Variants in RPRD1B observed in about 807,000 individuals in gnomAD.
RPRD1B encodes the protein regulation of nuclear pre-mRNA domain containing 1B.
Under a neutral mutation model 41.5 loss-of-function variants are expected in RPRD1B, and 11 were observed. The ratio of observed to expected loss-of-function variants is 0.27; its 90% CI spans 0.17 to 0.44. The LOEUF (loss-of-function observed/expected upper bound fraction) is 0.44, where lower values mean the gene tolerates loss of function less well. Ranked by LOEUF, RPRD1B falls within the 20% of genes least tolerant of loss-of-function variation. RPRD1B has a pLI of 1.00. For missense variants in RPRD1B, 248 were observed against 389.9 expected, an observed-to-expected ratio of 0.64 and a Z score of 3.06; for synonymous variants, 158 against 155.6, an observed-to-expected ratio of 1.02 and a Z score of -0.12.
intron 3 of RPRD1B, among the ~76,000 whole-genome samples, chr20:38,052,752 G>GTTTTTTTTTTTTT (rs146687415): frequency 1.2e-5 from 1 of 81,702 alleles, no homozygotes; most frequent in African/African-American, 4.8e-5. Context: ...CAAACGCGGT[G>GTTTTTTTTTTTTT]TTTTTTTTTT....
chr20:38,038,499 T>G (rs1380543377), intron 1 of RPRD1B, among the ~76,000 whole-genome samples: 13 of 136,404 alleles, frequency 9.5e-5, no homozygotes, highest in South Asian at 4.9e-4. Flanking sequence ...TGTTTTTTTT[T>G]TTTTTTTTTT....
At chr20:38,052,343 A>G (rs940429483) in intron 3 of RPRD1B, among the ~76,000 whole-genome samples, 3 of 152,206 alleles carry the variant, frequency 2.0e-5, no homozygotes, top group African/African-American at 7.2e-5. Context: ...AGGCTGGAGA[A>G]CATGGTAGCT....
intron 6 of RPRD1B, among the ~76,000 whole-genome samples, chr20:38,089,451 C>T (rs1157914828): frequency 6.6e-6 from 1 of 152,006 alleles, no homozygotes; most frequent in South Asian, 2.1e-4. Context: ...ATGCAAATAC[C>T]AAGTGTTATT....
At chr20:38,051,028 C>A (rs766408980) in intron 3 of RPRD1B, among the ~76,000 whole-genome samples, 1 of 152,100 alleles carries the variant, frequency 6.6e-6, no homozygotes, top group Non-Finnish European at 1.5e-5. Flanking sequence ...AATTCTTTGT[C>A]TTCAGGCAAC....
At chr20:38,052,002 C>T (rs575297160) in intron 3 of RPRD1B, among the ~76,000 whole-genome samples, 10 of 152,310 alleles carry the variant, frequency 6.6e-5, no homozygotes, top group African/African-American at 9.6e-5. Flanking sequence ...CCGCCCACCT[C>T]GGCCTCCCAA....
intron 6 of RPRD1B, among the ~76,000 whole-genome samples, chr20:38,077,457 C>T (rs772544602): frequency 2.6e-5 from 4 of 152,130 alleles, no homozygotes; most frequent in African/African-American, 9.7e-5. Flanking sequence ...AAATCAGACA[C>T]TAGGCCTCAT....
chr20:38,054,528 C>CA (rs1190151432), intron 3 of RPRD1B, among the ~76,000 whole-genome samples: 2 of 152,170 alleles, frequency 1.3e-5, no homozygotes, highest in African/African-American at 2.4e-5. Flanking sequence ...TTTACACTAA[C>CA]AAACTCTCTG....
In RPRD1B at chr20:38,092,329, T is replaced by C; in HGVS notation, c.*2454T>C. The C allele has an allele frequency of 1.0e-6, 1 of 984,522 alleles. No individual in the cohort carries two copies. The highest frequency in any genetic ancestry group is 1.2e-6 in the Non-Finnish European group (1 of 828,736). 61.0% of individuals were successfully genotyped at this position (984,522 alleles called of 1,614,324 possible). On this transcript the variant is annotated 3_prime_UTR_variant, in exon 7 of 7. Coordinates refer to ENST00000373433, the MANE Select transcript of RPRD1B (RefSeq NM_021215.4). ...AGTATATTCTGAAATGTCTCATAGA[T>C]ATATATTTTTGAATAAAGATGGTGT...
Position 38,089,819 on chromosome 20 carries a change from G to A in RPRD1B, c.925G>A (p.Val309Ile), listed in dbSNP as rs200179296. ...GCCAGACCTCTCACTGCTGCCCAACGTCACAGGGGGCTTAGCCCCCCTGCC... is the reference window on the plus strand; with the variant it reads ...GCCAGACCTCTCACTGCTGCCCAACATCACAGGGGGCTTAGCCCCCCTGCC... ...SLPDLSLLPNVTGGLAPLPSA... is the reference protein window; with the variant it reads ...SLPDLSLLPNITGGLAPLPSA... Residue 309 changes from valine (V) to isoleucine (I), a missense_variant, in exon 7 of 7, where the codon GTC becomes ATC. Physicochemically the swap from Val to Ile is conservative, Grantham distance 29 (BLOSUM62 3). This residue lies in a region of RPRD1B where 93 missense variants were observed against 167.2 expected (regional missense o/e 0.56). Coordinates refer to ENST00000373433, the MANE Select transcript of RPRD1B (RefSeq NM_021215.4). The A allele has an allele frequency of 2.5e-6, 4 of 1,614,194 alleles. No homozygotes were observed. Among genetic ancestry groups the A allele is most frequent in the African/African-American group, 2.7e-5 (2 of 75,046 alleles).
chr20:38,040,347 G>A (rs966245875), intron 1 of RPRD1B, 88 bp from the exon 2 acceptor site: 2 of 1,100,782 alleles, frequency 1.8e-6, no homozygotes, highest in African/African-American at 1.6e-5. Context: ...TTGTCTTAAT[G>A]TTTTTTTAGG....
intron 6 of RPRD1B, 88 bp downstream of exon 6, chr20:38,066,344 A>G: frequency 1.7e-6 from 2 of 1,207,014 alleles, no homozygotes; most frequent in Non-Finnish European, 2.3e-6. Flanking sequence ...TTAATTAACA[A>G]CATTTTTATC....
intron 3 of RPRD1B, 52 bp from the exon 4 acceptor site, chr20:38,057,480 C>T: frequency 7.7e-7 from 1 of 1,304,480 alleles, no homozygotes; most frequent in Non-Finnish European, 1.1e-6. Context: ...TAGCATGTGA[C>T]TTATCACTAC....
intron 3 of RPRD1B, among the ~76,000 whole-genome samples, chr20:38,056,602 G>T (rs921284121): frequency 8.5e-5 from 13 of 152,304 alleles, no homozygotes; most frequent in Non-Finnish European, 1.8e-4. Flanking sequence ...CCTGTGTGGT[G>T]CTAAGTAATT....
At chr20:38,063,386 T>C (rs972198665) in intron 5 of RPRD1B, among the ~76,000 whole-genome samples, 1 of 152,228 alleles carries the variant, frequency 6.6e-6, no homozygotes, top group Non-Finnish European at 1.5e-5. Context: ...GCAGAGAGTT[T>C]TTGTCCTTTT....
chr20:38,038,176 C>T (rs2074022626), intron 1 of RPRD1B, among the ~76,000 whole-genome samples: 1 of 152,118 alleles, frequency 6.6e-6, no homozygotes, highest in Admixed American at 6.5e-5. Flanking sequence ...TAGGTTATTA[C>T]CAGAAGGTTA....
At chr20:38,040,205 T>C (rs147701636) in intron 1 of RPRD1B, among the ~76,000 whole-genome samples, 610 of 152,228 alleles carry the variant, frequency 4.0e-3, no homozygotes, top group African/African-American at 0.014. Context: ...TACCCTGGTT[T>C]AAACAACACA....
At chr20:38,081,393 G>A (rs8123895) in intron 6 of RPRD1B, among the ~76,000 whole-genome samples, 263 of 152,242 alleles carry the variant, frequency 1.7e-3, no homozygotes, top group African/African-American at 6.0e-3. Context: ...ACTGATTTTT[G>A]TATATTGATT....
chr20:38,083,414 A>G (rs2074532264), intron 6 of RPRD1B, among the ~76,000 whole-genome samples: 2 of 152,338 alleles, frequency 1.3e-5, no homozygotes, highest in East Asian at 3.9e-4. Flanking sequence ...AAAATTGTCC[A>G]GTCCTAAAGT....
intron 1 of RPRD1B, among the ~76,000 whole-genome samples, chr20:38,034,639 T>G (rs897984158): frequency 6.6e-6 from 1 of 152,226 alleles, no homozygotes; most frequent in East Asian, 1.9e-4. Flanking sequence ...GACCTTTGTG[T>G]GTATCCTCGC....
Sources: gnomAD v4.1 joint callset for allele counts (sites outside exome capture counted in the v4.1 genomes callset) on GRCh38, gnomAD v4.1.1 for gene constraint, gnomAD v4.1.1 regional missense constraint, MANE v1.5 for transcripts, NCBI Gene and HGNC (gene_info 2026-07-23, HGNC 2026-07-21) for gene names.